NTMT1: variants seen among roughly 807,000 people sequenced by gnomAD.
The protein encoded by NTMT1 is N-terminal RCC1 methyltransferase.
A neutral mutation model predicts 17.5 loss-of-function variants in NTMT1; 8 were observed. That is an observed-to-expected ratio of 0.46 (90% CI 0.27 to 0.82). The LOEUF (loss-of-function observed/expected upper bound fraction) is 0.82, where lower values mean the gene tolerates loss of function less well. Among genes scored for constraint, NTMT1 ranks in the 40% least tolerant of loss-of-function variants. NTMT1 has a pLI of 0.15. For synonymous variants in NTMT1, 128 were observed against 126.8 expected (o/e 1.01, Z -0.06); for missense variants, 221 against 303.5 (o/e 0.73, Z 2.02).
At chr9:129,612,258 A>G in intron 1 of NTMT1, 1 of 1,131,446 alleles carries the variant, frequency 8.8e-7, no homozygotes, top group Non-Finnish European at 1.3e-6. Flanking sequence ...GGTCCCAGCC[A>G]CCTGGGATGT....
intron 1 of NTMT1, among the ~76,000 whole-genome samples, chr9:129,631,061 C>T (rs540049379): frequency 3.9e-5 from 6 of 152,310 alleles, no homozygotes; most frequent in African/African-American, 7.2e-5. Context: ...CTCCACTCTC[C>T]GCCCTCTGAT....
Position 129,613,589 on chromosome 9 carries a change from T to C in NTMT1, c.-55+4411T>C, listed in dbSNP as rs770823983. 6.2e-7 allele frequency: 1 copy of C among 1,614,004 alleles called. No individual in the cohort carries two copies. The highest frequency in any genetic ancestry group is 8.5e-7 in the Non-Finnish European group (1 of 1,179,998). On this transcript the variant is annotated intron_variant, in intron 1 of 3. Coordinates refer to the NTMT1 transcript ENST00000372486. This position sits in a 1 kb window ranked among gnomAD's most constrained non-coding sequence, Gnocchi z 6.2. ...GCGGCCTTCTGGTTCACAATGACGC[T>C]CTGTTGGACTGCAGGAAAGAGGGCA... is the stretch of plus-strand genomic sequence containing the variant.
At chr9:129,635,001 T>C (rs1831444515) in intron 3 of NTMT1, 1 of 613,744 alleles carries the variant, frequency 1.6e-6, no homozygotes, top group South Asian at 2.1e-5. Flanking sequence ...TTAATGTGTC[T>C]TTAGGTAGAT....
chr9:129,615,653 A>G, intron 1 of NTMT1: 11 of 1,536,442 alleles, frequency 7.2e-6, no homozygotes, highest in Non-Finnish European at 9.6e-6. Flanking sequence ...GCCTGCTGAG[A>G]GAGGGGAGAG....
In NTMT1 at chr9:129,620,202, C is replaced by T. The variant is rs1401189463; in HGVS notation, c.-55+11024C>T. On this transcript the variant is annotated intron_variant, in intron 1 of 3. Coordinates refer to the NTMT1 transcript ENST00000372486. The surrounding 1 kb of genome is among the most constrained non-coding windows in gnomAD (Gnocchi z 5.8). ...CTGGCCACGCGCCTCCGGGGGCGCT[C>T]GCGCTCTCCAGGCCCTGGCTGCCTG... is the stretch of plus-strand genomic sequence containing the variant. 4.8e-6 allele frequency: 7 copies of T among 1,444,620 alleles called. No homozygotes were observed. The highest frequency in any genetic ancestry group is 2.9e-5 in the African/African-American group (2 of 69,224). 89.5% of individuals were successfully genotyped at this position (1,444,620 alleles called of 1,614,324 possible).
rs772553176 is a variant in NTMT1, at chr9:129,635,363, C to T, written c.571C>T (p.Arg191Cys). ...CGTGTGCCGGGACCTTGACGTGGTC[C>T]GCAGGATCATCTGCAGTGCAGGCCT... ...SSVCRDLDVV[R>C]RIICSAGLSL... The change falls in exon 4 of 4, where the codon CGC becomes TGC. Residue 191 changes from arginine (R) to cysteine (C), a missense_variant. Transcript: ENST00000372483. 1.1e-5 allele frequency: 17 copies of T among 1,613,810 alleles called. No individual in the cohort carries two copies. The highest frequency in any genetic ancestry group is 2.2e-5 in the East Asian group (1 of 44,878).
At chr9:129,623,797 A>T (rs1483004234), upstream of NTMT1, among the ~76,000 whole-genome samples, 3 of 149,818 alleles carry the variant, frequency 2.0e-5, no homozygotes, top group African/African-American at 4.9e-5. Flanking sequence ...ACACCAGATT[A>T]ACTAGACGGT....
At chr9:129,615,476 C>A (rs1318609446) in intron 1 of NTMT1, 2 of 1,579,756 alleles carry the variant, frequency 1.3e-6, no homozygotes, top group Admixed American at 1.8e-5. Context: ...CCCATCCTGT[C>A]TGCTTACCTG....
chr9:129,615,973 G>A (rs1414498315), intron 1 of NTMT1, among the ~76,000 whole-genome samples: 1 of 152,204 alleles, frequency 6.6e-6, no homozygotes, highest in Non-Finnish European at 1.5e-5. Flanking sequence ...CCTGCATCCT[G>A]GTTCCAGAGC....
Position 129,620,527 on chromosome 9 carries a change from C to A in NTMT1, c.-55+11349C>A, listed in dbSNP as rs1443791083. On this transcript the variant is annotated intron_variant, in intron 1 of 3. Transcript: ENST00000372486. The surrounding 1 kb of genome is among the most constrained non-coding windows in gnomAD (Gnocchi z 5.8). ...GGAAGTCTCCGTCGCCAGGGAGCCCCTTGGGCGCCAGGTCCTGGGCCCCTG... is the reference window on the plus strand; with the variant it reads ...GGAAGTCTCCGTCGCCAGGGAGCCCATTGGGCGCCAGGTCCTGGGCCCCTG... 6.9e-7 allele frequency: 1 copy of A among 1,446,058 alleles called. No individual in the cohort carries two copies. Among genetic ancestry groups the A allele is most frequent in the Non-Finnish European group, 9.1e-7 (1 of 1,097,328 alleles). 89.6% of individuals were successfully genotyped at this position (1,446,058 alleles called of 1,614,324 possible).
Position 129,613,050 on chromosome 9 carries a change from C to T in NTMT1, c.-55+3872C>T. The T allele has an allele frequency of 6.2e-7, 1 of 1,605,352 alleles. No homozygotes were observed. The highest frequency in any genetic ancestry group is 1.1e-5 in the South Asian group (1 of 90,022). Reference sequence around the variant, plus strand: ...CACCAAACAGGGCTGCTCCCGGAGCCAGCTGCCAGCAGGGGCTCACCAGCT... The same window carrying T: ...CACCAAACAGGGCTGCTCCCGGAGCTAGCTGCCAGCAGGGGCTCACCAGCT... On this transcript the variant is annotated intron_variant, in intron 1 of 3. Transcript: ENST00000372486. The surrounding 1 kb of genome is among the most constrained non-coding windows in gnomAD (Gnocchi z 6.2).
At chr9:129,622,506 A>G (rs766148880), upstream of NTMT1, among the ~76,000 whole-genome samples, 27 of 151,742 alleles carry the variant, frequency 1.8e-4, no homozygotes, top group Non-Finnish European at 3.5e-4. Context: ...AATAATAATA[A>G]TAATAATCCA....
intron 3 of NTMT1, 62 bp downstream of exon 3, chr9:129,634,368 A>G: frequency 6.5e-7 from 1 of 1,537,720 alleles, no homozygotes; most frequent in Non-Finnish European, 8.8e-7. Flanking sequence ...CGTTCCCCAT[A>G]AGGTGTCAGG....
At chr9:129,624,045 C>T (rs1277450599), upstream of NTMT1, among the ~76,000 whole-genome samples, 16 of 152,006 alleles carry the variant, frequency 1.1e-4, no homozygotes, top group Non-Finnish European at 1.0e-4. Flanking sequence ...CCACCTGCCT[C>T]GGCCTCCCAA....
chr9:129,631,115 C>G (rs374391352), intron 1 of NTMT1, among the ~76,000 whole-genome samples: 47 of 152,258 alleles, frequency 3.1e-4, no homozygotes, highest in African/African-American at 9.9e-4. Flanking sequence ...TGCCCCACCC[C>G]CTCCAGCACT....
chr9:129,619,604 G>A, intron 1 of NTMT1: 4 of 1,614,034 alleles, frequency 2.5e-6, no homozygotes, highest in Non-Finnish European at 2.5e-6. Flanking sequence ...CGAAATCTTC[G>A]TAAGACTATC....
Position 129,635,304 on chromosome 9 carries a change from A to C in NTMT1, c.512A>C (p.Gln171Pro). The C allele has an allele frequency of 6.2e-7, 1 of 1,613,840 alleles. No homozygotes were observed. Residue 171 changes from glutamine to proline, a missense_variant, in exon 4 of 4, where the codon CAG becomes CCG. By Grantham distance (76) the Gln-to-Pro change is moderately conservative. Coordinates refer to ENST00000372483, the MANE Select transcript of NTMT1 (RefSeq NM_014064.4). The part of the protein sequence containing the change: ...GIIVIKDNMA[Q>P]EGVILDDVDS... ...ATCGTCATCAAAGACAACATGGCCCAGGAGGGCGTGATTCTGGACGACGTG... is the reference window on the plus strand; with the variant it reads ...ATCGTCATCAAAGACAACATGGCCCCGGAGGGCGTGATTCTGGACGACGTG...
intron 1 of NTMT1, among the ~76,000 whole-genome samples, chr9:129,626,803 C>A (rs959935004): frequency 2.0e-5 from 3 of 152,222 alleles, no homozygotes; most frequent in Admixed American, 6.5e-5. Context: ...CCCGAGAGCC[C>A]TTGCGGCCAA....
Position 129,634,167 on chromosome 9 carries a change from A to G in NTMT1, c.276A>G (p.Ile92Met). The change falls in exon 3 of 4, where the codon ATA becomes ATG. Residue 92 changes from isoleucine to methionine, a missense_variant. By Grantham distance (10) the Ile-to-Met change is conservative. Transcript: ENST00000372483. ...TCAGAGAGGTGGATATGGTCGACAT[A>G]ACGGAGGACTTCCTGGTTCAAGCCA... ...PLFREVDMVD[I>M]TEDFLVQAKT... 6.2e-7 allele frequency: 1 copy of G among 1,614,184 alleles called. No individual in the cohort carries two copies. Among genetic ancestry groups the G allele is most frequent in the East Asian group, 2.2e-5 (1 of 44,882 alleles).
Sources: allele counts gnomAD v4.1 joint callset (sites outside exome capture counted in the v4.1 genomes callset), GRCh38; gene constraint gnomAD v4.1.1; non-coding constraint Gnocchi (gnomAD v3.1); transcripts MANE v1.5; gene names NCBI Gene and HGNC (gene_info 2026-07-23, HGNC 2026-07-21).